The following DRC8 variants were observed in gnomAD, a reference collection of about 807,000 sequenced individuals.
The protein encoded by DRC8 is dynein regulatory complex protein 8.
the DRC8 span, among the ~76,000 whole-genome samples, chr1:245,070,516 T>G: frequency 1.3e-5 from 2 of 152,228 alleles, no homozygotes; most frequent in African/African-American, 4.8e-5. Context: ...TGATGAGATT[T>G]GCATTTTATT....
chr1:245,079,597 C>T, the DRC8 span, among the ~76,000 whole-genome samples: 2 of 152,138 alleles, frequency 1.3e-5, no homozygotes, highest in Non-Finnish European at 2.9e-5. Flanking sequence ...TAGAGTTGAA[C>T]TTCCTTTGGA....
chr1:245,100,817 ATACT>A, the DRC8 span, among the ~76,000 whole-genome samples: 46 of 39,828 alleles, frequency 1.2e-3, no homozygotes, highest in East Asian at 0.014. Context: ...ATAATAATAA[ATACT>A]TCACAGTTTG....
the DRC8 span, among the ~76,000 whole-genome samples, chr1:245,023,296 T>C: frequency 6.6e-6 from 1 of 152,242 alleles, no homozygotes; most frequent in Non-Finnish European, 1.5e-5. Context: ...ATTTGGGTTG[T>C]TTTCATCTTC....
At chr1:245,121,895 C>CTTACT in the DRC8 span, 1 of 416,920 alleles carries the variant, frequency 2.4e-6, no homozygotes, top group Non-Finnish European at 4.6e-6. Flanking sequence ...TTTCTTTTTT[C>CTTACT]TTATTTTATT....
the DRC8 span, among the ~76,000 whole-genome samples, chr1:245,064,876 A>C: frequency 1.3e-5 from 2 of 152,124 alleles, no homozygotes; most frequent in Admixed American, 1.3e-4. Context: ...CCAGAGTTTG[A>C]AATTTCACAA....
the DRC8 span, chr1:245,087,601 G>T: frequency 9.0e-7 from 1 of 1,105,262 alleles, no homozygotes; most frequent in Non-Finnish European, 1.1e-6. Context: ...TTTAACATTA[G>T]AATGGATTGT....
At chr1:245,092,752 G>A in the DRC8 span, among the ~76,000 whole-genome samples, 1 of 152,174 alleles carries the variant, frequency 6.6e-6, no homozygotes. Flanking sequence ...GGGATTTGGA[G>A]TTAGGCTCTG....
chr1:245,054,013 C>G, the DRC8 span, among the ~76,000 whole-genome samples: 1 of 151,280 alleles, frequency 6.6e-6, no homozygotes, highest in Non-Finnish European at 1.5e-5. Context: ...CATCAGCCTT[C>G]TTTGCACGGG....
chr1:245,018,982 G>A, the DRC8 span, among the ~76,000 whole-genome samples: 3 of 152,070 alleles, frequency 2.0e-5, no homozygotes, highest in Admixed American at 2.0e-4. Context: ...GAGACATCAG[G>A]GGCTTCTCTT....
At chr1:244,998,272 G>C in the DRC8 span, among the ~76,000 whole-genome samples, 3 of 151,894 alleles carry the variant, frequency 2.0e-5, no homozygotes, top group African/African-American at 7.3e-5. Context: ...ACAGTGATGC[G>C]ATCACAGCTC....
the DRC8 span, chr1:244,970,404 C>G: frequency 6.5e-7 from 1 of 1,538,840 alleles, no homozygotes; most frequent in Non-Finnish European, 8.7e-7. Flanking sequence ...CCCAGGCGAC[C>G]GGCTCCGCAG....
the DRC8 span, chr1:245,015,764 C>A: frequency 7.4e-6 from 2 of 271,016 alleles, no homozygotes; most frequent in Non-Finnish European, 1.5e-5. Flanking sequence ...CATTTCTCAC[C>A]ACCTTCACTG....
At chr1:245,079,570 C>T in the DRC8 span, among the ~76,000 whole-genome samples, 4 of 151,802 alleles carry the variant, frequency 2.6e-5, no homozygotes, top group East Asian at 3.8e-4. Flanking sequence ...AGTTCTTCCA[C>T]GATGGAGACG....
chr1:245,011,164 G>C, the DRC8 span, among the ~76,000 whole-genome samples: 1 of 152,084 alleles, frequency 6.6e-6, no homozygotes, highest in Admixed American at 6.6e-5. Context: ...ATTTTATGTA[G>C]TATTTTAAAT....
the DRC8 span, among the ~76,000 whole-genome samples, chr1:245,095,147 G>A: frequency 3.3e-5 from 5 of 152,308 alleles, no homozygotes; most frequent in Non-Finnish European, 7.4e-5. Context: ...GCCCGTGCAG[G>A]GCCGCTGCTG....
chr1:245,106,979 G>C, the DRC8 span, among the ~76,000 whole-genome samples: 1 of 152,214 alleles, frequency 6.6e-6, no homozygotes, highest in Admixed American at 6.5e-5. Flanking sequence ...GGGAGGCGGA[G>C]GTTGCAGTGA....
chr1:245,063,070 T>C, the DRC8 span, among the ~76,000 whole-genome samples: 1 of 152,190 alleles, frequency 6.6e-6, no homozygotes. Context: ...TGGTGAGCAG[T>C]GCATCTGAGC....
the DRC8 span, among the ~76,000 whole-genome samples, chr1:245,121,709 G>C: frequency 1.3e-5 from 2 of 151,988 alleles, no homozygotes; most frequent in South Asian, 4.2e-4. Flanking sequence ...GAACCAAAAC[G>C]AGGGCTGTCC....
chr1:245,103,116 G>A, the DRC8 span, among the ~76,000 whole-genome samples: 1 of 147,298 alleles, frequency 6.8e-6, no homozygotes, highest in Non-Finnish European at 1.5e-5. Flanking sequence ...GGAGACCAGA[G>A]AGGCCAAGCA....
Sources: allele counts gnomAD v4.1 joint callset (sites outside exome capture counted in the v4.1 genomes callset), GRCh38; gene constraint gnomAD v4.1.1; transcripts MANE v1.5; gene names NCBI Gene and HGNC (gene_info 2026-07-23, HGNC 2026-07-21).